NFIB: variants seen among roughly 807,000 people sequenced by gnomAD.
NFIB encodes nuclear factor 1 B-type.
Under a neutral mutation model 61.5 loss-of-function variants are expected in NFIB, and 11 were observed. The ratio of observed to expected loss-of-function variants is 0.18; its 90% CI spans 0.11 to 0.30. The LOEUF is 0.30. Ranked by LOEUF, NFIB falls within the 10% of genes least tolerant of loss-of-function variation. NFIB has a pLI of 1.00. For missense variants in NFIB, 471 were observed against 608.9 expected, an observed-to-expected ratio of 0.77 and a Z score of 2.38; for synonymous variants, 260 against 216.5, an observed-to-expected ratio of 1.20 and a Z score of -1.76.
rs1025097910 is a variant in NFIB at position 14,221,781 on chromosome 9, G to A, written c.563-42001C>T. The stretch of plus-strand genomic sequence containing the variant: ...TAATTGAGCAAGCTGCCCTTCTTAT[G>A]CCCTGTATGCCAGCTAATCATTCTT... On this transcript the variant is annotated intron_variant, in intron 2 of 10. Transcript: ENST00000380953. Among the ~76,000 whole-genome samples, 3 of 152,290 alleles carry A rather than the reference G, an allele frequency of 2.0e-5. No individual in the cohort carries two copies. In the East Asian group the frequency reaches 5.8e-4, roughly 29 times the overall value.
chr9:14,407,187 G>T, the NFIB span, among the ~76,000 whole-genome samples: 31 of 152,210 alleles, frequency 2.0e-4, no homozygotes, highest in Non-Finnish European at 4.0e-4. Flanking sequence ...TAAAAGTTAG[G>T]TTAAATAATG....
chr9:14,095,149 A>T (rs1426373664), intron 10 of NFIB, among the ~76,000 whole-genome samples: 1 of 152,118 alleles, frequency 6.6e-6, no homozygotes, highest in East Asian at 1.9e-4. Flanking sequence ...TTAAATAAAA[A>T]CTTCCTTAAA....
At chr9:14,338,280 A>G (rs777408671) in intron 1 of NFIB, among the ~76,000 whole-genome samples, 28 of 151,980 alleles carry the variant, frequency 1.8e-4, no homozygotes, top group Non-Finnish European at 2.9e-4. Flanking sequence ...TGTAGTCTCA[A>G]CTACTCGGGA....
At chr9:14,374,658 C>T (rs1056132161) in intron 1 of NFIB, among the ~76,000 whole-genome samples, 1 of 152,104 alleles carries the variant, frequency 6.6e-6, no homozygotes, top group Non-Finnish European at 1.5e-5. Flanking sequence ...GCCTGTAGTC[C>T]CAGCACTTTG....
At chr9:14,343,426 C>T (rs891640169) in intron 1 of NFIB, among the ~76,000 whole-genome samples, 1 of 152,034 alleles carries the variant, frequency 6.6e-6, no homozygotes, top group Non-Finnish European at 1.5e-5. Flanking sequence ...AGTAGAGAGA[C>T]GTGGCCAGGT....
At chr9:14,217,705 A>G (rs925846912) in intron 2 of NFIB, among the ~76,000 whole-genome samples, 3 of 150,094 alleles carry the variant, frequency 2.0e-5, no homozygotes, top group Non-Finnish European at 4.4e-5. Context: ...CAAACTCTAA[A>G]TTTATATTAT....
At chr9:14,116,425 C>T (rs2038150817) in intron 8 of NFIB, 79 bp from the exon 9 acceptor site, 13 of 1,348,104 alleles carry the variant, frequency 9.6e-6, no homozygotes, top group African/African-American at 3.0e-5. Context: ...TCAGCACACA[C>T]GACTGTGTGG....
At chr9:14,474,152 G>A in the NFIB span, among the ~76,000 whole-genome samples, 2 of 152,118 alleles carry the variant, frequency 1.3e-5, no homozygotes, top group African/African-American at 4.8e-5. Context: ...TTGTTCAGGT[G>A]GCTTTAATAG....
the NFIB span, among the ~76,000 whole-genome samples, chr9:14,487,855 G>A: frequency 6.6e-6 from 1 of 152,076 alleles, no homozygotes; most frequent in African/African-American, 2.4e-5. Context: ...CCAGACAGAC[G>A]ACGAAGGATT....
chr9:14,409,852 C>A, the NFIB span, among the ~76,000 whole-genome samples: 1 of 152,050 alleles, frequency 6.6e-6, no homozygotes, highest in African/African-American at 2.4e-5. Context: ...ATTAAAAGAA[C>A]AGATGGTTAA....
chr9:14,500,595 T>C, the NFIB span, among the ~76,000 whole-genome samples: 1 of 152,200 alleles, frequency 6.6e-6, no homozygotes, highest in African/African-American at 2.4e-5. Flanking sequence ...AACTGACTGA[T>C]TTAATATTTC....
chr9:14,100,176 T>C (rs1199226855), intron 10 of NFIB, among the ~76,000 whole-genome samples: 1 of 152,200 alleles, frequency 6.6e-6, no homozygotes, highest in Non-Finnish European at 1.5e-5. Flanking sequence ...AAAAGAAAAG[T>C]TACAATTTTT....
the NFIB span, among the ~76,000 whole-genome samples, chr9:14,446,827 A>C: frequency 1.3e-5 from 2 of 152,278 alleles, no homozygotes; most frequent in East Asian, 1.9e-4. Flanking sequence ...CAACTTTAAT[A>C]ATCATCATTT....
chr9:14,419,000 C>G, the NFIB span, among the ~76,000 whole-genome samples: 1 of 152,144 alleles, frequency 6.6e-6, no homozygotes, highest in Admixed American at 6.5e-5. Context: ...CCAGTTCCAT[C>G]CACGGCTCTG....
intron 10 of NFIB, among the ~76,000 whole-genome samples, chr9:14,104,924 G>C (rs2036331326): frequency 6.6e-6 from 1 of 152,082 alleles, no homozygotes; most frequent in Non-Finnish European, 1.5e-5. Context: ...AGCTTAGGTT[G>C]GAGAAGTTTT....
the NFIB span, among the ~76,000 whole-genome samples, chr9:14,418,895 T>C: frequency 6.6e-6 from 1 of 152,170 alleles, no homozygotes; most frequent in Non-Finnish European, 1.5e-5. Flanking sequence ...GGAGCTAAAA[T>C]GAGCTTTAGG....
chr9:14,472,130 T>C, the NFIB span, among the ~76,000 whole-genome samples: 1 of 152,212 alleles, frequency 6.6e-6, no homozygotes, highest in Admixed American at 6.5e-5. Flanking sequence ...GATCATCAGG[T>C]TGACTGAAAT....
At chr9:14,144,356 C>G (rs958208837) in intron 6 of NFIB, among the ~76,000 whole-genome samples, 2 of 152,102 alleles carry the variant, frequency 1.3e-5, no homozygotes, top group Non-Finnish European at 2.9e-5. Flanking sequence ...AAAATCTTCT[C>G]CAGAAGAATT....
intron 2 of NFIB, among the ~76,000 whole-genome samples, chr9:14,291,269 G>C (rs1419039267): frequency 6.6e-6 from 1 of 152,002 alleles, no homozygotes; most frequent in Admixed American, 6.6e-5. Flanking sequence ...TGGATCACTC[G>C]AGGTCAGGTG....
Sources: gnomAD v4.1 joint callset for allele counts (sites outside exome capture counted in the v4.1 genomes callset) on GRCh38, gnomAD v4.1.1 for gene constraint, MANE v1.5 for transcripts, NCBI Gene and HGNC (gene_info 2026-07-23, HGNC 2026-07-21) for gene names.